Variants in LRP1B observed in about 807,000 individuals in gnomAD.
The protein encoded by LRP1B is LDL receptor related protein 1B, also known as low-density lipoprotein receptor-related protein 1B.
A neutral mutation model predicts 556.6 loss-of-function variants in LRP1B; 217 were observed. That is an observed-to-expected ratio of 0.39 (90% CI 0.35 to 0.44). The LOEUF is 0.44. Among genes scored for constraint, LRP1B ranks in the 20% least tolerant of loss-of-function variants. LRP1B has a pLI of 1.00. For synonymous variants in LRP1B, 2,047 were observed against 1,865.8 expected, an observed-to-expected ratio of 1.10 and a Z score of -2.50; for missense variants, 5,053 against 5,620.8, an observed-to-expected ratio of 0.90 and a Z score of 3.23.
intron 11 of LRP1B, among the ~76,000 whole-genome samples, chr2:141,024,919 A>C (rs1471694637): frequency 1.3e-5 from 2 of 152,022 alleles, no homozygotes; most frequent in African/African-American, 4.8e-5. Context: ...GGCAGTAAGA[A>C]GGCCTGCTGT....
intron 77 of LRP1B, among the ~76,000 whole-genome samples, chr2:140,345,591 T>G (rs978285600): frequency 1.3e-5 from 2 of 150,264 alleles, no homozygotes; most frequent in Non-Finnish European, 3.0e-5. Flanking sequence ...ATGTCCTCTA[T>G]TCTGCTATTC....
chr2:140,685,211 T>C (rs772446203), intron 41 of LRP1B, among the ~76,000 whole-genome samples: 1 of 152,210 alleles, frequency 6.6e-6, no homozygotes. Flanking sequence ...AAAATATATG[T>C]ATGCTATGGT....
At chr2:141,483,000 G>T (rs549372479) in intron 2 of LRP1B, among the ~76,000 whole-genome samples, 3 of 151,696 alleles carry the variant, frequency 2.0e-5, no homozygotes, top group Admixed American at 6.6e-5. Context: ...TTTAGGGTAC[G>T]TGTGCACAAC....
intron 7 of LRP1B, among the ~76,000 whole-genome samples, chr2:141,139,812 TGTG>T (rs1255954604): frequency 1.8e-4 from 27 of 147,178 alleles, no homozygotes; most frequent in Admixed American, 7.4e-4. Flanking sequence ...TGTGTGTGTG[TGTG>T]TGTGTATCAC....
At chr2:141,229,561 T>C (rs897448784) in intron 5 of LRP1B, 121 bp from the exon 6 acceptor site, 2 of 782,104 alleles carry the variant, frequency 2.6e-6, no homozygotes, top group African/African-American at 3.5e-5. Flanking sequence ...AAAATTTTCT[T>C]ATAAAAAAAC....
chr2:140,953,112 A>G (rs1472933721), intron 18 of LRP1B, among the ~76,000 whole-genome samples: 2 of 152,158 alleles, frequency 1.3e-5, no homozygotes, highest in African/African-American at 4.8e-5. Context: ...TGTTTTTGAT[A>G]TGGAGTCTCA....
intron 21 of LRP1B, among the ~76,000 whole-genome samples, chr2:140,908,392 A>AT (rs1559188021): frequency 9.6e-5 from 14 of 145,264 alleles, no homozygotes; most frequent in African/African-American, 3.3e-4. Context: ...ATATATATAT[A>AT]AAAAGAAGGT....
chr2:140,541,308 G>C (rs917507751), intron 44 of LRP1B, among the ~76,000 whole-genome samples: 1 of 152,020 alleles, frequency 6.6e-6, no homozygotes, highest in African/African-American at 2.4e-5. Flanking sequence ...TAACACATTT[G>C]ATACCACGGC....
intron 41 of LRP1B, among the ~76,000 whole-genome samples, chr2:140,673,929 T>C (rs886357713): frequency 2.0e-5 from 3 of 150,024 alleles, no homozygotes; most frequent in African/African-American, 7.4e-5. Flanking sequence ...CCGAAATATA[T>C]CTCTTTTCTT....
chr2:140,273,189 T>C (rs1682537697), intron 85 of LRP1B, among the ~76,000 whole-genome samples: 1 of 151,840 alleles, frequency 6.6e-6, no homozygotes, highest in Admixed American at 6.6e-5. Flanking sequence ...GTAAGTGGAA[T>C]GGAGTTGTAA....
rs1414032507 is a variant in LRP1B at position 142,084,832 on chromosome 2, CAAACG to C, written c.82+45811_82+45815del. On this transcript the variant is annotated intron_variant, in intron 1 of 90. Coordinates refer to ENST00000389484, the MANE Select transcript of LRP1B (RefSeq NM_018557.3). ...TCTTCCTGCTTAAGATGACCTTTTACAAACGAAAGTAGTTTCAAAATTAAATACAC... is the reference window on the plus strand; with the variant it reads ...TCTTCCTGCTTAAGATGACCTTTTACAAAGTAGTTTCAAAATTAAATACAC... Among the ~76,000 whole-genome samples the C allele has an allele frequency of 3.3e-5, 5 of 152,094 alleles. 1 individual carries two copies. The highest frequency in any genetic ancestry group is 3.3e-4 in the Admixed American group (5 of 15,258).
At chr2:141,102,647 G>GA (rs1700491848) in intron 7 of LRP1B, among the ~76,000 whole-genome samples, 2 of 151,878 alleles carry the variant, frequency 1.3e-5, no homozygotes, top group African/African-American at 4.8e-5. Flanking sequence ...CACCAACTCA[G>GA]GTCTCAATAA....
At chr2:141,013,487 T>C in intron 14 of LRP1B, 69 bp downstream of exon 14, 3 of 1,255,894 alleles carry the variant, frequency 2.4e-6, no homozygotes, top group South Asian at 1.6e-5. Context: ...TCAAGATAAA[T>C]CTTTTATAAC....
intron 2 of LRP1B, among the ~76,000 whole-genome samples, chr2:141,667,804 C>T (rs760490883): frequency 4.6e-5 from 7 of 152,020 alleles, no homozygotes; most frequent in Non-Finnish European, 8.8e-5. Flanking sequence ...TGTTTCCCTC[C>T]CTAATCACCA....
intron 1 of LRP1B, among the ~76,000 whole-genome samples, chr2:142,060,192 A>G (rs370838042): frequency 6.6e-6 from 1 of 152,098 alleles, no homozygotes; most frequent in East Asian, 1.9e-4. Flanking sequence ...TTTTGGATGC[A>G]TATATTTGAA....
At chr2:141,347,831 T>C (rs185100408) in intron 3 of LRP1B, among the ~76,000 whole-genome samples, 19 of 152,196 alleles carry the variant, frequency 1.2e-4, no homozygotes, top group African/African-American at 4.6e-4. Context: ...ACAAAGTATG[T>C]ATTATTAAAA....
chr2:141,328,576 C>A (rs1201957368), intron 3 of LRP1B, among the ~76,000 whole-genome samples: 5 of 152,164 alleles, frequency 3.3e-5, no homozygotes, highest in African/African-American at 1.2e-4. Context: ...AATATTTAAG[C>A]CCTCTAATCT....
intron 1 of LRP1B, among the ~76,000 whole-genome samples, chr2:142,060,620 C>T (rs536329900): frequency 6.6e-6 from 1 of 151,958 alleles, no homozygotes; most frequent in African/African-American, 2.4e-5. Context: ...TCTTTGAGGG[C>T]TAGATAATAC....
chr2:141,980,316 C>G (rs72852559), intron 1 of LRP1B, among the ~76,000 whole-genome samples: 3,684 of 152,196 alleles, frequency 0.024, 60 homozygotes, highest in Non-Finnish European at 0.036. Context: ...CCTTATGATG[C>G]AGTTCCCCAA....
Sources: gnomAD v4.1 joint callset for allele counts (sites outside exome capture counted in the v4.1 genomes callset) on GRCh38, gnomAD v4.1.1 for gene constraint, MANE v1.5 for transcripts, NCBI Gene and HGNC (gene_info 2026-07-23, HGNC 2026-07-21) for gene names.